Variants in OLFM3 observed in about 807,000 individuals in gnomAD.
OLFM3 encodes the protein olfactomedin 3.
A neutral mutation model predicts 48.6 loss-of-function variants in OLFM3; 20 were observed. The ratio of observed to expected loss-of-function variants is 0.41; its 90% CI spans 0.29 to 0.60. OLFM3 has a LOEUF of 0.60. OLFM3 is among the 20% of genes least tolerant of loss of function. The pLI is 0.28. For missense variants in OLFM3, 437 were observed against 544.3 expected (o/e 0.80, Z 1.96); for synonymous variants, 222 against 198.1 (o/e 1.12, Z -1.01).
chr1:101,889,610 C>T (rs1419251265), intron 1 of OLFM3, among the ~76,000 whole-genome samples: 1 of 151,816 alleles, frequency 6.6e-6, no homozygotes, highest in Non-Finnish European at 1.5e-5. Flanking sequence ...ATGTAACAAA[C>T]CTACACGTTG....
chr1:101,855,475 A>T (rs963955240), intron 1 of OLFM3, among the ~76,000 whole-genome samples: 1 of 152,114 alleles, frequency 6.6e-6, no homozygotes, highest in Non-Finnish European at 1.5e-5. Context: ...TATGCAAAAA[A>T]ATAGCCAATA....
chr1:101,811,024 C>G (rs1654022060), intron 4 of OLFM3, among the ~76,000 whole-genome samples: 1 of 151,484 alleles, frequency 6.6e-6, no homozygotes, highest in Non-Finnish European at 1.5e-5. Flanking sequence ...AAATGTTAGT[C>G]TAAAACTTAA....
chr1:101,804,175 G>T lies in OLFM3; in HGVS notation c.*63C>A. 1.6e-6 allele frequency: 2 copies of T among 1,226,560 alleles called. No homozygotes were observed. Among genetic ancestry groups the T allele is most frequent in the East Asian group, 5.2e-5 (2 of 38,568 alleles). 76.0% of individuals were successfully genotyped at this position (1,226,560 alleles called of 1,614,324 possible). On this transcript the variant is annotated 3_prime_UTR_variant, in exon 6 of 6. Coordinates refer to ENST00000370103, the MANE Select transcript of OLFM3 (RefSeq NM_058170.4). The surrounding 1 kb of genome is among the most constrained non-coding windows in gnomAD (Gnocchi z 4.5). ...AATAATAGTGAAGAAAAAAACGGAA[G>T]GGGTCTTATAGAGTTTATCACAAAT...
chr1:101,959,180 T>A (rs1273347465), intron 1 of OLFM3, among the ~76,000 whole-genome samples: 1 of 152,086 alleles, frequency 6.6e-6, no homozygotes, highest in East Asian at 1.9e-4. Flanking sequence ...TGCAGGCATA[T>A]CATTTATACT....
chr1:101,879,612 T>G (rs963328456), intron 1 of OLFM3, among the ~76,000 whole-genome samples: 1 of 151,848 alleles, frequency 6.6e-6, no homozygotes, highest in African/African-American at 2.4e-5. Context: ...ATATTACTAA[T>G]TCACTTAATA....
intron 4 of OLFM3, among the ~76,000 whole-genome samples, chr1:101,815,676 T>C (rs1654303223): frequency 6.6e-6 from 1 of 152,100 alleles, no homozygotes; most frequent in Non-Finnish European, 1.5e-5. Flanking sequence ...GATTGTAGTG[T>C]CATTTACTCG....
chr1:101,932,106 G>A (rs1316579457), intron 1 of OLFM3, among the ~76,000 whole-genome samples: 1 of 152,072 alleles, frequency 6.6e-6, no homozygotes, highest in Non-Finnish European at 1.5e-5. Flanking sequence ...CTGCTATACT[G>A]TAAGGCTTTA....
intron 1 of OLFM3, among the ~76,000 whole-genome samples, chr1:101,981,004 T>G (rs893290640): frequency 6.6e-6 from 1 of 152,062 alleles, no homozygotes; most frequent in African/African-American, 2.4e-5. Flanking sequence ...CTGAAAATGT[T>G]TTTCACCTTT....
chr1:101,942,368 C>A (rs1056138296), intron 1 of OLFM3, among the ~76,000 whole-genome samples: 1 of 152,126 alleles, frequency 6.6e-6, no homozygotes, highest in African/African-American at 2.4e-5. Context: ...TGTGAAAAAG[C>A]AAACTCAAGA....
chr1:101,859,960 A>C (rs1438602117), intron 1 of OLFM3: 2 of 152,064 alleles, frequency 1.3e-5, no homozygotes, highest in Non-Finnish European at 2.9e-5. Context: ...ATTTTTAACA[A>C]GCTCCCAGAA....
rs4908189 is a variant in OLFM3 at position 101,827,800 on chromosome 1, C to A, written c.373-2555G>T. Among the ~76,000 whole-genome samples, 5 of 152,042 alleles carry A rather than the reference C, an allele frequency of 3.3e-5. No individual in the cohort carries two copies. The South Asian group carries it at 1.0e-3, about 32-fold the overall frequency. ...TTGGTTCTCATGCATATTAGATATA[C>A]GACTCTGGATAAATTACTCAACCTC... On this transcript the variant is annotated intron_variant, in intron 3 of 5. Coordinates refer to ENST00000370103, the MANE Select transcript of OLFM3 (RefSeq NM_058170.4).
At chr1:101,897,400 G>A (rs1286368255) in intron 1 of OLFM3, among the ~76,000 whole-genome samples, 1 of 152,116 alleles carries the variant, frequency 6.6e-6, no homozygotes, top group Non-Finnish European at 1.5e-5. Flanking sequence ...AAATGGTTAA[G>A]TTTTACATGG....
At chr1:101,821,821 C>A (rs1365338600) in intron 4 of OLFM3, among the ~76,000 whole-genome samples, 1 of 151,996 alleles carries the variant, frequency 6.6e-6, no homozygotes, top group African/African-American at 2.4e-5. Flanking sequence ...AAGTTGAATA[C>A]CGATTTTATT....
At chr1:101,835,353 C>T (rs1361616838) in intron 2 of OLFM3, among the ~76,000 whole-genome samples, 6 of 152,174 alleles carry the variant, frequency 3.9e-5, no homozygotes, top group Admixed American at 1.3e-4. Flanking sequence ...CTTGCTCTGT[C>T]ACCCAGGCTG....
intron 4 of OLFM3, among the ~76,000 whole-genome samples, chr1:101,820,166 C>T (rs1017439955): frequency 2.0e-5 from 3 of 152,010 alleles, no homozygotes; most frequent in East Asian, 1.9e-4. Flanking sequence ...TTGGCATAAA[C>T]GGTAAAGACA....
intron 1 of OLFM3, among the ~76,000 whole-genome samples, chr1:101,896,488 CT>C (rs35260761): frequency 0.08 from 6,114 of 76,672 alleles, 79 homozygotes; most frequent in African/African-American, 0.18. Flanking sequence ...TGCTTACACA[CT>C]TTTTTTTTTT....
intron 3 of OLFM3, among the ~76,000 whole-genome samples, chr1:101,827,895 G>A (rs1654938163): frequency 6.6e-6 from 1 of 152,160 alleles, no homozygotes; most frequent in Non-Finnish European, 1.5e-5. Flanking sequence ...ATGTCTGGGA[G>A]GGACCAGGTG....
chr1:101,823,834 C>A (rs758043913), intron 4 of OLFM3, among the ~76,000 whole-genome samples: 7 of 151,886 alleles, frequency 4.6e-5, no homozygotes, highest in Admixed American at 2.0e-4. Flanking sequence ...TGTGTTTCGG[C>A]CTTCAGGTTT....
intron 1 of OLFM3, among the ~76,000 whole-genome samples, chr1:101,874,971 A>G (rs1213655414): frequency 6.6e-6 from 1 of 151,876 alleles, no homozygotes; most frequent in African/African-American, 2.4e-5. Flanking sequence ...TGTGGATTAG[A>G]CTCTCTGAGT....
Sources: allele counts gnomAD v4.1 joint callset (sites outside exome capture counted in the v4.1 genomes callset), GRCh38; gene constraint gnomAD v4.1.1; non-coding constraint Gnocchi (gnomAD v3.1); transcripts MANE v1.5; gene names NCBI Gene and HGNC (gene_info 2026-07-23, HGNC 2026-07-21).